The following AKR1C2 variants were observed in gnomAD, a reference collection of about 807,000 sequenced individuals.
AKR1C2 encodes 3-alpha-HSD3.
A neutral mutation model predicts 39.8 loss-of-function variants in AKR1C2; 27 were observed. That is an observed-to-expected ratio of 0.68 (90% CI 0.50 to 0.93). The LOEUF (loss-of-function observed/expected upper bound fraction) is 0.93. Among genes scored for constraint, AKR1C2 ranks in the 40% least tolerant of loss-of-function variants. The pLI is 0.00. For synonymous variants in AKR1C2, 114 were observed against 137.9 expected (o/e 0.83, Z 1.22); for missense variants, 263 against 365.1 (o/e 0.72, Z 2.28).
intron 5 of AKR1C2, among the ~76,000 whole-genome samples, chr10:4,997,627 A>G (rs1230506201): frequency 6.6e-6 from 1 of 152,102 alleles, no homozygotes; most frequent in African/African-American, 2.4e-5. Context: ...TTTTTATCAA[A>G]TTTTTGGAAA....
At position 5,001,598 on chromosome 10, in the gene AKR1C2, A is replaced by G. The variant is rs782455440; in HGVS notation, c.168T>C (p.Asn56=). Reference sequence around the variant, plus strand: ...TGGCCAGTCCAACCTGCTCCTCATTATTGTAAACATGTGCAGAATCAATAT... The same window carrying G: ...TGGCCAGTCCAACCTGCTCCTCATTGTTGTAAACATGTGCAGAATCAATAT... ...FHHIDSAHVY[N]NEEQVGLAIR... Residue 56 remains asparagine (N), a synonymous_variant, in exon 2 of 9, where the codon AAT becomes AAC. Transcript: ENST00000380753. 2 of 1,613,982 alleles carry G rather than the reference A, an allele frequency of 1.2e-6. No individual in the cohort carries two copies. Among genetic ancestry groups the G allele is most frequent in the East Asian group, 4.5e-5 (2 of 44,884 alleles).
chr10:5,012,223 T>C (rs1837538735), intron 1 of AKR1C2, among the ~76,000 whole-genome samples: 1 of 151,778 alleles, frequency 6.6e-6, no homozygotes, highest in Non-Finnish European at 1.5e-5. Context: ...TTAGCAAGGC[T>C]AGAAAATTAA....
upstream of AKR1C2, among the ~76,000 whole-genome samples, chr10:5,008,457 G>T (rs1588309742): frequency 6.6e-6 from 1 of 151,936 alleles, no homozygotes; most frequent in Admixed American, 6.6e-5. Context: ...CCTTGCCAAG[G>T]CTCAAGGGGT....
upstream of AKR1C2, chr10:5,005,982 C>T (rs1837394685): frequency 6.6e-6 from 1 of 152,142 alleles, no homozygotes. Context: ...GAGAGTGTTT[C>T]AATAGCAAAT....
upstream of AKR1C2, among the ~76,000 whole-genome samples, chr10:5,008,308 C>T (rs1837448033): frequency 6.7e-6 from 1 of 150,134 alleles, no homozygotes; most frequent in African/African-American, 2.5e-5. Flanking sequence ...GGATTCCTGA[C>T]ACATTGTCTG....
intron 1 of AKR1C2, among the ~76,000 whole-genome samples, chr10:5,011,434 A>T (rs1210385789): frequency 4.6e-5 from 7 of 152,368 alleles, no homozygotes; most frequent in African/African-American, 1.7e-4. Context: ...TTTTATACAA[A>T]TCCAAAAATA....
intron 7 of AKR1C2, among the ~76,000 whole-genome samples, chr10:4,992,312 A>T (rs1249980019): frequency 2.6e-5 from 4 of 152,236 alleles, no homozygotes; most frequent in Admixed American, 6.5e-5. Flanking sequence ...TCTCCAATGA[A>T]CAGGTATAAT....
intron 1 of AKR1C2, among the ~76,000 whole-genome samples, chr10:5,009,790 A>G (rs1233754629): frequency 6.6e-6 from 1 of 151,996 alleles, no homozygotes; most frequent in Non-Finnish European, 1.5e-5. Context: ...AGGCAACCAG[A>G]TGGACGGCAG....
In AKR1C2 at chr10:5,000,536, C is replaced by G; in HGVS notation, c.369+14G>C. 4 of 1,613,708 alleles carry G rather than the reference C, an allele frequency of 2.5e-6. No homozygotes were observed. The highest frequency in any genetic ancestry group is 2.5e-6 in the Non-Finnish European group (3 of 1,179,682). On this transcript the variant is annotated intron_variant, in intron 3 of 8. Transcript: ENST00000380753. Reference sequence around the variant, plus strand: ...AACAAAAGTGAAATTAATTTGATCACACAAGCTGCCTACCTTTACAGACAC... The same window carrying G: ...AACAAAAGTGAAATTAATTTGATCAGACAAGCTGCCTACCTTTACAGACAC...
intron 3 of AKR1C2, chr10:5,000,065 G>A: frequency 7.3e-6 from 8 of 1,095,328 alleles, no homozygotes; most frequent in Non-Finnish European, 8.9e-6. Context: ...AGTGTGAAAA[G>A]AGAGGAAGCA....
chr10:4,998,505 T>C, intron 5 of AKR1C2, 120 bp downstream of exon 5: 3 of 1,529,250 alleles, frequency 2.0e-6, no homozygotes, highest in Admixed American at 2.1e-5. Context: ...AGGAAGAGGC[T>C]TTGTTCTCTA....
chr10:4,998,159 T>C (rs2801895), intron 5 of AKR1C2, among the ~76,000 whole-genome samples: 75,107 of 144,622 alleles, frequency 0.52, 20,269 homozygotes, highest in East Asian at 0.93. Flanking sequence ...AAAGCAGAGA[T>C]ATCAAGAGAC....
chr10:5,001,670 A>G lies in AKR1C2; in HGVS notation c.96T>C (p.Ser32=). 3 of 1,613,782 alleles carry G rather than the reference A, an allele frequency of 1.9e-6. 1 individual carries two copies. Among genetic ancestry groups the G allele is most frequent in the South Asian group, 2.2e-5 (2 of 91,014 alleles). ...GTYAPAEVPK[S]KALEAVKLAI... ...CCAATTTGACGGCCTCTAGAGCTTT[A>G]CTTTTAGGAACCTGGGGGAGCAACC... The change falls in exon 2 of 9, where the codon AGT becomes AGC. Residue 32 remains serine (S), a synonymous_variant. Coordinates refer to ENST00000380753, the MANE Select transcript of AKR1C2 (RefSeq NM_001393392.1).
Position 5,001,429 on chromosome 10 carries a change from C to A in AKR1C2, c.252+85G>T, listed in dbSNP as rs1308191803. On this transcript the variant is annotated intron_variant, in intron 2 of 8. Coordinates refer to ENST00000380753, the MANE Select transcript of AKR1C2 (RefSeq NM_001393392.1). ...GAAATAAATAAGCACAATTCACCCT[C>A]AACTATGGATCCAGTCATAGAACTG... 5.5e-5 allele frequency: 84 copies of A among 1,530,284 alleles called. 1 individual carries two copies. The highest frequency in any genetic ancestry group is 3.5e-4 in the Middle Eastern group (2 of 5,670). The allele number at this position is 1,530,284 out of a possible 1,614,324, so 94.8% of individuals were successfully genotyped here.
upstream of AKR1C2, chr10:5,003,890 G>A: frequency 6.3e-7 from 1 of 1,596,248 alleles, no homozygotes; most frequent in South Asian, 1.1e-5. Flanking sequence ...GGCTATAAGA[G>A]CAATGAGCTG....
upstream of AKR1C2, among the ~76,000 whole-genome samples, chr10:5,008,764 C>T (rs1837460539): frequency 6.6e-6 from 1 of 152,236 alleles, no homozygotes; most frequent in Admixed American, 6.5e-5. Context: ...TTTCTTCTCA[C>T]TATTTTTTCT....
At chr10:5,010,523 G>A (rs1175762127) in intron 1 of AKR1C2, 40 of 152,236 alleles carry the variant, frequency 2.6e-4, no homozygotes, top group Middle Eastern at 6.8e-3. Context: ...CAGGACAAGA[G>A]CCACTTGAAG....
At chr10:5,005,575 C>T (rs1837387147), upstream of AKR1C2, among the ~76,000 whole-genome samples, 1 of 151,942 alleles carries the variant, frequency 6.6e-6, no homozygotes, top group Non-Finnish European at 1.5e-5. Context: ...CCCAGCTACT[C>T]GGTAGGCTAA....
chr10:4,991,341 T>C (rs545048483), intron 8 of AKR1C2, among the ~76,000 whole-genome samples: 1 of 152,202 alleles, frequency 6.6e-6, no homozygotes, highest in African/African-American at 2.4e-5. Context: ...TTAAAAATGC[T>C]AAATTGACAG....
Sources: allele counts gnomAD v4.1 joint callset (sites outside exome capture counted in the v4.1 genomes callset), GRCh38; gene constraint gnomAD v4.1.1; transcripts MANE v1.5; gene names NCBI Gene and HGNC (gene_info 2026-07-23, HGNC 2026-07-21).